The following PDE6B variants were observed in gnomAD, a reference collection of about 807,000 sequenced individuals.
The protein encoded by PDE6B is rod cGMP-specific 3',5'-cyclic phosphodiesterase subunit beta.
Under a neutral mutation model 109.0 loss-of-function variants are expected in PDE6B, and 106 were observed. The ratio of observed to expected loss-of-function variants is 0.97; its 90% CI spans 0.83 to 1.14. The LOEUF (loss-of-function observed/expected upper bound fraction) is 1.14, where lower values mean the gene tolerates loss of function less well. Ranked by LOEUF, PDE6B falls within the 50% of genes most tolerant of loss-of-function variation. PDE6B has a pLI of 0.00. For synonymous variants in PDE6B, 490 were observed against 471.3 expected (o/e 1.04, Z -0.51); for missense variants, 1,193 against 1,155.6 (o/e 1.03, Z -0.47).
intron 3 of PDE6B, among the ~76,000 whole-genome samples, chr4:649,869 T>C (rs1735409056): frequency 6.6e-6 from 1 of 152,218 alleles, no homozygotes; most frequent in South Asian, 2.1e-4. Context: ...GCCATGAGGC[T>C]GAGCAGCTCC....
intron 10 of PDE6B, among the ~76,000 whole-genome samples, chr4:658,313 G>A (rs1461074784): frequency 2.7e-5 from 4 of 146,062 alleles, no homozygotes; most frequent in African/African-American, 7.7e-5. Context: ...ACAGGTGTGC[G>A]GGGCAGGTCA....
intron 6 of PDE6B, 52 bp from the exon 7 acceptor site, chr4:655,888 C>T (rs1560121468): frequency 7.6e-6 from 8 of 1,048,356 alleles, no homozygotes; most frequent in East Asian, 2.4e-5. Context: ...GACTCCTGCA[C>T]GCGCACATCC....
chr4:659,905 G>C (rs551032850), intron 11 of PDE6B, among the ~76,000 whole-genome samples: 1 of 152,200 alleles, frequency 6.6e-6, no homozygotes, highest in Non-Finnish European at 1.5e-5. Flanking sequence ...AGAATCTCCC[G>C]GGGCCACGAG....
intron 12 of PDE6B, among the ~76,000 whole-genome samples, chr4:660,975 A>G (rs4690185): frequency 0.1 from 3,506 of 34,788 alleles, 41 homozygotes; most frequent in African/African-American, 0.13. Flanking sequence ...GTAGTTGGAT[A>G]GTTGGATAAA....
At position 653,129 on chromosome 4, in the gene PDE6B, G is replaced by A; in HGVS notation, c.712-723G>A. On this transcript the variant is annotated intron_variant, in intron 3 of 21. Coordinates refer to ENST00000496514, the MANE Select transcript of PDE6B (RefSeq NM_000283.4). ...TGTTCCCACCATGAGCTGAGTGCCA[G>A]GGGGTGGAACTTCAGAGGGCCTGGC... 3 of 984,498 alleles carry A rather than the reference G, an allele frequency of 3.0e-6. No homozygotes were observed. In the Middle Eastern group the frequency reaches 1.6e-3, roughly 514 times the overall value. 61.0% of individuals were successfully genotyped at this position (984,498 alleles called of 1,614,324 possible). A position where few individuals can be genotyped will look rare whatever the true frequency, so the allele number is the denominator to read the frequency against.
At chr4:656,337 A>G (rs774747851) in intron 8 of PDE6B, 45 bp downstream of exon 8, 4 of 1,255,020 alleles carry the variant, frequency 3.2e-6, no homozygotes, top group Non-Finnish European at 4.7e-6. Flanking sequence ...CTTACAAAAG[A>G]GGAGATTTTG....
intron 12 of PDE6B, chr4:661,742 T>TC (rs1023072967): frequency 2.8e-5 from 9 of 317,634 alleles, no homozygotes; most frequent in Non-Finnish European, 5.6e-5. Context: ...ACATCGGTTC[T>TC]CCCACCCCAG....
intron 3 of PDE6B, chr4:652,426 GAGAT>G: frequency 1.2e-6 from 1 of 824,644 alleles, no homozygotes; most frequent in Non-Finnish European, 1.5e-6. Context: ...GGCAGGAAGA[GAGAT>G]AGAGAAAGCA....
At position 636,444 on chromosome 4, in the gene PDE6B, G is replaced by A. The variant is rs1734686258; in HGVS notation, c.711+475G>A. 6.6e-6 allele frequency among the ~76,000 whole-genome samples: 1 copy of A among 152,146 alleles called. No individual in the cohort carries two copies. Among genetic ancestry groups the A allele is most frequent in the African/African-American group, 2.4e-5 (1 of 41,440 alleles). On this transcript the variant is annotated intron_variant, in intron 3 of 21. Coordinates refer to ENST00000496514, the MANE Select transcript of PDE6B (RefSeq NM_000283.4). This position sits in a 1 kb window ranked among gnomAD's most constrained non-coding sequence, Gnocchi z 4.5. ...CCTGGCCGAGACGCTGGGGAGGGAG[G>A]CCTGAGGACCTTAAGGAGTCAGGTG...
intron 12 of PDE6B, 41 bp downstream of exon 12, chr4:660,654 C>T (rs370587042): frequency 2.6e-5 from 41 of 1,591,206 alleles, no homozygotes; most frequent in Middle Eastern, 1.8e-4. Flanking sequence ...TCCCTGAGGC[C>T]GCCCAGGACA....
At position 663,781 on chromosome 4, in the gene PDE6B, CTACCAG is replaced by C. The variant is rs748679882; in HGVS notation, c.1933_1938del (p.Tyr645_Gln646del). 5.0e-6 allele frequency: 8 copies of C among 1,611,730 alleles called. No individual in the cohort carries two copies. The African/African-American group carries it at 1.1e-4, about 22-fold the overall frequency. ...CATAACCTCCGCAGACCCTGAACAT[CTACCAG>C]AACCTGAACCGGCGGCAGCACGAGC... On this transcript the variant is annotated inframe_deletion, in exon 16 of 22. Coordinates refer to ENST00000496514, the MANE Select transcript of PDE6B (RefSeq NM_000283.4). The surrounding 1 kb of genome is among the most constrained non-coding windows in gnomAD (Gnocchi z 4.0).
chr4:625,741 G>A lies in PDE6B; in HGVS notation c.115G>A (p.Gly39Arg), dbSNP rs151334566. Residue 39 changes from glycine (G) to arginine (R), a missense_variant, in exon 1 of 22, where the codon GGG becomes AGG. Transcript: ENST00000496514. This position sits in a 1 kb window ranked among gnomAD's most constrained non-coding sequence, Gnocchi z 5.0. ...PENVAAACEDGCPPDCDSLRD... is the reference protein window; with the variant it reads ...PENVAAACEDRCPPDCDSLRD... ...GAATGTGGCCGCGGCCTGCGAGGAC[G>A]GGTGCCCGCCGGACTGCGACAGCCT... The A allele has an allele frequency of 2.5e-5, 40 of 1,613,314 alleles. No homozygotes were observed. Among genetic ancestry groups the A allele is most frequent in the Middle Eastern group, 1.6e-4 (1 of 6,084 alleles).
chr4:653,325 T>G, intron 3 of PDE6B: 3 of 1,060,362 alleles, frequency 2.8e-6, no homozygotes, highest in Non-Finnish European at 3.4e-6. Context: ...CTGGGGTGAG[T>G]CTGAGCCTGG....
In PDE6B at chr4:662,627, C is replaced by A; in HGVS notation, c.1832+9C>A. On this transcript the variant is annotated intron_variant, in intron 14 of 21. Transcript: ENST00000496514. The surrounding 1 kb of genome is among the most constrained non-coding windows in gnomAD (Gnocchi z 4.3). Reference sequence around the variant, plus strand: ...AACCTGTACCAGATGAAGTAGGCACCTCAGGGCGGGCATGTGAATTAGCCC... The same window carrying A: ...AACCTGTACCAGATGAAGTAGGCACATCAGGGCGGGCATGTGAATTAGCCC... 6.5e-7 allele frequency: 1 copy of A among 1,531,548 alleles called. No homozygotes were observed. Among genetic ancestry groups the A allele is most frequent in the Non-Finnish European group, 9.0e-7 (1 of 1,105,462 alleles). The allele number at this position is 1,531,548 out of a possible 1,614,324, so 94.9% of individuals were successfully genotyped here. A position where few individuals can be genotyped will look rare whatever the true frequency, so the allele number is the denominator to read the frequency against.
intron 1 of PDE6B, among the ~76,000 whole-genome samples, chr4:632,363 G>A (rs111492389): frequency 0.015 from 2,334 of 151,734 alleles, 84 homozygotes; most frequent in African/African-American, 0.053. Flanking sequence ...ATGAGGCACC[G>A]TCTGAGGATC....
In PDE6B at chr4:667,988, A is replaced by AG; in HGVS notation, c.2488dup (p.Val830GlyfsTer62). 1 of 1,612,210 alleles carries AG rather than the reference A, an allele frequency of 6.2e-7. No individual in the cohort carries two copies. Among genetic ancestry groups the AG allele is most frequent in the Non-Finnish European group, 8.5e-7 (1 of 1,179,422 alleles). ...TCTGGAGGAGAAGGAGGAGGAGGAG[A>AG]GGGTGGCAGCCAAGAAAGGTCTGGC... On this transcript the variant is annotated frameshift_variant, in exon 21 of 22. Coordinates refer to ENST00000496514, the MANE Select transcript of PDE6B (RefSeq NM_000283.4). LOFTEE classifies it high-confidence loss of function.
Position 663,644 on chromosome 4 carries a change from C to G in PDE6B, c.1921-126C>G. On this transcript the variant is annotated intron_variant, in intron 15 of 21. Coordinates refer to ENST00000496514, the MANE Select transcript of PDE6B (RefSeq NM_000283.4). The surrounding 1 kb of genome is among the most constrained non-coding windows in gnomAD (Gnocchi z 4.0). ...TGAGCAGCAGGCGGATTAGGGGTCC[C>G]GCCCACCGAGGGCCCGAGGGCGGGG... 1.4e-6 allele frequency: 1 copy of G among 733,176 alleles called. No homozygotes were observed. Among genetic ancestry groups the G allele is most frequent in the Non-Finnish European group, 2.5e-6 (1 of 403,992 alleles). 45.4% of individuals were successfully genotyped at this position (733,176 alleles called of 1,614,324 possible).
chr4:668,636 G>A lies in PDE6B; in HGVS notation c.2503+630G>A, dbSNP rs866075157. Among the ~76,000 whole-genome samples, 26 of 57,438 alleles carry A rather than the reference G, an allele frequency of 4.5e-4. 1 individual carries two copies. The highest frequency in any genetic ancestry group is 1.4e-3 in the African/African-American group (18 of 13,238). 37.7% of individuals were successfully genotyped at this position (57,438 alleles called of 152,430 possible). On this transcript the variant is annotated intron_variant, in intron 21 of 21. Transcript: ENST00000496514. ...TATTCCCCTACCCCATGCTATTCCC[G>A]CTACCCCATGCTGCTCCCACTACCC...
chr4:656,100 C>A, intron 7 of PDE6B, 94 bp downstream of exon 7: 1 of 1,037,508 alleles, frequency 9.6e-7, no homozygotes, highest in South Asian at 1.3e-5. Context: ...CCCGCCCTCC[C>A]GGCCAGCTCC....
Sources: allele counts gnomAD v4.1 joint callset (sites outside exome capture counted in the v4.1 genomes callset), GRCh38; gene constraint gnomAD v4.1.1; non-coding constraint Gnocchi (gnomAD v3.1); transcripts MANE v1.5; gene names NCBI Gene and HGNC (gene_info 2026-07-23, HGNC 2026-07-21).